Variants in NIPBL observed in about 807,000 individuals in gnomAD.
NIPBL encodes NIPBL cohesin loading factor.
A neutral mutation model predicts 321.8 loss-of-function variants in NIPBL; 19 were observed. That is an observed-to-expected ratio of 0.06 (90% CI 0.04 to 0.09). The LOEUF is 0.09. Among genes scored for constraint, NIPBL ranks in the 10% least tolerant of loss-of-function variants. The probability of loss-of-function intolerance (pLI) is 1.00; values close to 1 mark genes in which losing one functional copy is unlikely to be tolerated. For missense variants in NIPBL, 2,210 were observed against 3,327.0 expected (o/e 0.66, Z 8.26); for synonymous variants, 1,106 against 1,114.1 (o/e 0.99, Z 0.14).
At chr5:36,915,460 C>G (rs1199874813) in intron 1 of NIPBL, among the ~76,000 whole-genome samples, 1 of 152,118 alleles carries the variant, frequency 6.6e-6, no homozygotes, top group South Asian at 2.1e-4. Context: ...AAATTGTAAA[C>G]CAAAAGCTCT....
At chr5:36,906,727 A>G (rs1747668496) in intron 1 of NIPBL, among the ~76,000 whole-genome samples, 1 of 152,204 alleles carries the variant, frequency 6.6e-6, no homozygotes, top group African/African-American at 2.4e-5. Flanking sequence ...TCAGTAGAAG[A>G]TATAATTAAT....
rs1374155595 is a variant in NIPBL, at chr5:36,885,844, G to T, written c.-80+8666G>T. On this transcript the variant is annotated intron_variant, in intron 1 of 46. Transcript: ENST00000282516. ...TCAGGGAGGAGCTGCTCTTAATGAA[G>T]GAGAACCACGAAGAGGAAGTAAAAG... is the stretch of plus-strand genomic sequence containing the variant. 59 of 699,072 alleles carry T rather than the reference G, an allele frequency of 8.4e-5. 1 individual carries two copies. The highest frequency in any genetic ancestry group is 4.0e-4 in the Middle Eastern group (1 of 2,524). The allele number at this position is 699,072 out of a possible 1,614,324, so 43.3% of individuals were successfully genotyped here.
At chr5:36,974,139 CAG>C (rs1456972123) in intron 8 of NIPBL, among the ~76,000 whole-genome samples, 1 of 152,058 alleles carries the variant, frequency 6.6e-6, no homozygotes, top group Non-Finnish European at 1.5e-5. Context: ...GGAAAGAGAA[CAG>C]GGAGATAGGT....
Position 37,052,470 on chromosome 5 carries a change from C to T in NIPBL, c.7167C>T (p.Ser2389=), listed in dbSNP as rs1489275323. 21 of 1,613,910 alleles carry T rather than the reference C, an allele frequency of 1.3e-5. No homozygotes were observed. Among genetic ancestry groups the T allele is most frequent in the African/African-American group, 4.0e-5 (3 of 74,868 alleles). Residue 2389 remains serine, a synonymous_variant, in exon 42 of 47, where the codon AGC becomes AGT. Coordinates refer to ENST00000282516, the MANE Select transcript of NIPBL (RefSeq NM_133433.4). ...VRGFRQDESS[S]ALCSHLYSMI... Reference sequence around the variant, plus strand: ...GTTTCAGACAAGACGAGTCCTCTAGCGCTTTGTGTTCACACCTTTACTCCA... The same window carrying T: ...GTTTCAGACAAGACGAGTCCTCTAGTGCTTTGTGTTCACACCTTTACTCCA...
At position 36,958,174 on chromosome 5, in the gene NIPBL, G is replaced by T; in HGVS notation, c.301G>T (p.Ala101Ser). ...ACCAGTCTTGTTGCAGGCCGTCCTG[G>T]CAAGGAGTCCTAATGTTTTCAGGGA... ...DIPVLLQAVL[A>S]RSPNVFREKS... The change falls in exon 4 of 47, where the codon GCA (alanine) becomes TCA (serine). Residue 101 changes from alanine to serine, a missense_variant. By Grantham distance (99) the Ala-to-Ser change is moderately conservative (BLOSUM62 1). Coordinates refer to ENST00000282516, the MANE Select transcript of NIPBL (RefSeq NM_133433.4). 1 of 1,613,916 alleles carries T rather than the reference G, an allele frequency of 6.2e-7. No homozygotes were observed. The highest frequency in any genetic ancestry group is 1.1e-5 in the South Asian group (1 of 91,082).
chr5:36,936,419 A>G (rs1332544488), intron 1 of NIPBL, among the ~76,000 whole-genome samples: 4 of 152,168 alleles, frequency 2.6e-5, no homozygotes, highest in African/African-American at 9.7e-5. Context: ...CAGTACAATA[A>G]CATGCTGTAT....
In NIPBL at chr5:37,013,175, C is replaced by T. The variant is rs566185082; in HGVS notation, c.4561-1508C>T. ...GCGGCTGGCCAGGCGGGGGGCTGAC[C>T]CCCCCACCTCCCTCCCGGACGGGGC... On this transcript the variant is annotated intron_variant, in intron 21 of 46. Transcript: ENST00000282516. Among the ~76,000 whole-genome samples, 113 of 150,564 alleles carry T rather than the reference C, an allele frequency of 7.5e-4. 1 individual carries two copies. Among genetic ancestry groups the T allele is most frequent in the Non-Finnish European group, 1.6e-4 (11 of 67,390 alleles).
At chr5:37,027,469 T>A in intron 32 of NIPBL, 57 bp downstream of exon 32, 1 of 1,347,158 alleles carries the variant, frequency 7.4e-7, no homozygotes, top group Non-Finnish European at 1.1e-6. Flanking sequence ...TTTTTTGTTG[T>A]TGGTGTTTTT....
chr5:37,028,701 C>T (rs1466399333), intron 32 of NIPBL, among the ~76,000 whole-genome samples: 1 of 149,236 alleles, frequency 6.7e-6, no homozygotes. Flanking sequence ...ACTTTAGCAT[C>T]TATCTATCTG....
intron 1 of NIPBL, among the ~76,000 whole-genome samples, chr5:36,926,869 G>GA (rs1264050477): frequency 6.6e-6 from 1 of 151,990 alleles, no homozygotes; most frequent in African/African-American, 2.4e-5. Context: ...AATTCAAGTT[G>GA]AAAAAAATTG....
At chr5:37,035,674 T>G (rs942760894) in intron 32 of NIPBL, among the ~76,000 whole-genome samples, 1 of 152,220 alleles carries the variant, frequency 6.6e-6, no homozygotes, top group African/African-American at 2.4e-5. Flanking sequence ...ATATTTCCAT[T>G]ATTGCAGAGA....
At chr5:36,969,945 A>G (rs919742449) in intron 6 of NIPBL, among the ~76,000 whole-genome samples, 1 of 152,174 alleles carries the variant, frequency 6.6e-6, no homozygotes, top group Admixed American at 6.5e-5. Context: ...GCTCTTACAC[A>G]TTTATAAAAA....
chr5:36,911,235 C>T (rs1748025859), intron 1 of NIPBL, among the ~76,000 whole-genome samples: 2 of 152,162 alleles, frequency 1.3e-5, no homozygotes. Context: ...GATGGCATCC[C>T]ACTTATCACC....
intron 1 of NIPBL, among the ~76,000 whole-genome samples, chr5:36,949,537 G>C (rs932989733): frequency 4.6e-5 from 7 of 151,810 alleles, no homozygotes. Flanking sequence ...TAAGTGCTGA[G>C]CAAACATGAG....
intron 41 of NIPBL, 104 bp downstream of exon 41, chr5:37,051,990 T>A: frequency 7.1e-6 from 6 of 844,388 alleles, no homozygotes; most frequent in Non-Finnish European, 1.2e-5. Context: ...ATAAAATGTC[T>A]TACTTAGTAC....
chr5:36,923,112 T>A (rs1164973712), intron 1 of NIPBL, among the ~76,000 whole-genome samples: 6 of 151,978 alleles, frequency 3.9e-5, no homozygotes, highest in Non-Finnish European at 7.4e-5. Context: ...CATACAAAAT[T>A]ACAAAATTTT....
intron 1 of NIPBL, among the ~76,000 whole-genome samples, chr5:36,917,123 T>C (rs984920806): frequency 2.0e-5 from 3 of 152,238 alleles, no homozygotes; most frequent in Non-Finnish European, 4.4e-5. Flanking sequence ...ACCAACAGTG[T>C]GAAAGTGTTC....
chr5:37,063,727 G>C (rs1232828110), intron 45 of NIPBL, 63 bp from the exon 46 acceptor site: 4 of 1,505,412 alleles, frequency 2.7e-6, no homozygotes, highest in Non-Finnish European at 3.6e-6. Context: ...AAACATTTAG[G>C]AATTTGACAA....
chr5:37,064,727 G>C lies in NIPBL; in HGVS notation c.8250G>C (p.Glu2750Asp), dbSNP rs778802387. Residue 2750 changes from glutamate to aspartate, a missense_variant, in exon 47 of 47, where the codon GAG becomes GAC. Around this residue, in one of 14 missense-constraint regions of NIPBL, gnomAD observed 159 missense variants for 319.2 expected, o/e 0.50. Coordinates refer to ENST00000282516, the MANE Select transcript of NIPBL (RefSeq NM_133433.4). The part of the protein sequence containing the change: ...MAGSYSGSWT[E>D]AKRRDGRKLV... ...GCTCCTACAGTGGCTCCTGGACTGA[G>C]GCTAAGCGCCGTGATGGCCGCAAAC... 4.3e-6 allele frequency: 7 copies of C among 1,614,194 alleles called. No homozygotes were observed. The highest frequency in any genetic ancestry group is 5.9e-6 in the Non-Finnish European group (7 of 1,180,042).
Sources: gnomAD v4.1 joint callset for allele counts (sites outside exome capture counted in the v4.1 genomes callset) on GRCh38, gnomAD v4.1.1 for gene constraint, gnomAD v4.1.1 regional missense constraint, MANE v1.5 for transcripts, NCBI Gene and HGNC (gene_info 2026-07-23, HGNC 2026-07-21) for gene names.